The following NFATC2 variants were observed in gnomAD, a reference collection of about 807,000 sequenced individuals.
The protein encoded by NFATC2 is nuclear factor of activated T cells 2, also known as nuclear factor of activated T-cells, cytoplasmic 2.
A neutral mutation model predicts 87.3 loss-of-function variants in NFATC2; 22 were observed. That is an observed-to-expected ratio of 0.25 (90% CI 0.18 to 0.36). The LOEUF is 0.36. Ranked by LOEUF, NFATC2 falls within the 10% of genes least tolerant of loss-of-function variation. The pLI, the probability that NFATC2 is intolerant of heterozygous loss-of-function variation, is 1.00. For synonymous variants in NFATC2, 565 were observed against 542.2 expected (o/e 1.04, Z -0.58); for missense variants, 1,149 against 1,259.1 (o/e 0.91, Z 1.32).
chr20:51,447,537 A>T (rs574158711), intron 6 of NFATC2, among the ~76,000 whole-genome samples: 1 of 152,310 alleles, frequency 6.6e-6, no homozygotes, highest in South Asian at 2.1e-4. Context: ...AGGCGCAGCG[A>T]GTCGCTCAAA....
chr20:51,433,759 ATGTGTG>A (rs59775939), intron 8 of NFATC2, among the ~76,000 whole-genome samples: 20 of 146,068 alleles, frequency 1.4e-4, no homozygotes, highest in Middle Eastern at 3.5e-3. Flanking sequence ...TCATGCATGC[ATGTGTG>A]TGTGTGTGTG....
Position 51,441,286 on chromosome 20 carries a change from A to T in NFATC2, c.1850-5525T>A, listed in dbSNP as rs189589397. Among the ~76,000 whole-genome samples, 203 of 151,878 alleles carry T rather than the reference A, an allele frequency of 1.3e-3. 2 individuals are homozygous for T. The highest frequency in any genetic ancestry group is 4.8e-3 in the African/African-American group (197 of 41,398). On this transcript the variant is annotated intron_variant, in intron 6 of 10. Transcript: ENST00000371564. ...TGACAGAGCAAGACTTCATCTCAAA[A>T]ATAAAAAATAAATGCTGATGGAGTT...
At position 51,391,411 on chromosome 20, in the gene NFATC2, G is replaced by C. The variant is rs761563642; in HGVS notation, c.*85C>G. 1 of 1,577,160 alleles carries C rather than the reference G, an allele frequency of 6.3e-7. No homozygotes were observed. Among genetic ancestry groups the C allele is most frequent in the South Asian group, 1.1e-5 (1 of 90,676 alleles). On this transcript the variant is annotated 3_prime_UTR_variant, in exon 11 of 11. Coordinates refer to ENST00000371564, the MANE Select transcript of NFATC2 (RefSeq NM_012340.5). ...ATGGCTTCTTTTACGTCTGATTTCT[G>C]GCAGGAGGTCCTGAAAACTCCTTCC...
chr20:51,473,871 C>T (rs1245750964), intron 5 of NFATC2, 109 bp downstream of exon 5: 1 of 1,184,600 alleles, frequency 8.4e-7, no homozygotes, highest in Non-Finnish European at 1.2e-6. Flanking sequence ...GGGTCCCACA[C>T]ATTCCCGCAG....
intron 2 of NFATC2, among the ~76,000 whole-genome samples, chr20:51,521,511 G>A (rs942855086): frequency 1.3e-5 from 2 of 152,166 alleles, no homozygotes; most frequent in African/African-American, 4.8e-5. Context: ...AATAGAGATG[G>A]GGTTTCGCCA....
chr20:51,416,782 ACATT>A (rs1333645322), intron 9 of NFATC2, among the ~76,000 whole-genome samples: 2 of 152,210 alleles, frequency 1.3e-5, no homozygotes, highest in African/African-American at 4.8e-5. Context: ...GAGGTCACAG[ACATT>A]CAGTAACTCA....
At chr20:51,424,955 T>C (rs1981549621) in intron 9 of NFATC2, among the ~76,000 whole-genome samples, 2 of 151,892 alleles carry the variant, frequency 1.3e-5, no homozygotes, top group Admixed American at 6.6e-5. Flanking sequence ...AAATCTTCCA[T>C]ATGACAATGC....
intron 6 of NFATC2, 129 bp downstream of exon 6, chr20:51,454,419 A>G: frequency 4.5e-6 from 4 of 885,376 alleles, no homozygotes; most frequent in Non-Finnish European, 5.2e-6. Flanking sequence ...AGACACGCTG[A>G]GTAAAAAGAG....
In NFATC2 at chr20:51,444,449, G is replaced by A. The variant is rs533975241; in HGVS notation, c.1850-8688C>T. The stretch of plus-strand genomic sequence containing the variant: ...TTTGCAGGCAATTATTTAACCCTGT[G>A]ATGGAACAAAGCAGCCAGGAAGCAG... On this transcript the variant is annotated intron_variant, in intron 6 of 10. Coordinates refer to ENST00000371564, the MANE Select transcript of NFATC2 (RefSeq NM_012340.5). 5.9e-5 allele frequency among the ~76,000 whole-genome samples: 9 copies of A among 152,174 alleles called. No homozygotes were observed. In the East Asian group the frequency reaches 1.7e-3, roughly 29 times the overall value.
At chr20:51,503,609 C>A (rs2076126769) in intron 3 of NFATC2, among the ~76,000 whole-genome samples, 1 of 152,206 alleles carries the variant, frequency 6.6e-6, no homozygotes, top group African/African-American at 2.4e-5. Flanking sequence ...GGCCCAGCTG[C>A]CCTGGGTCAG....
chr20:51,473,694 C>T (rs1988446329), intron 5 of NFATC2, among the ~76,000 whole-genome samples: 1 of 152,250 alleles, frequency 6.6e-6, no homozygotes. Flanking sequence ...GATATTTACA[C>T]ATTTCAAGTC....
intron 3 of NFATC2, among the ~76,000 whole-genome samples, chr20:51,503,022 A>G (rs1304722366): frequency 6.6e-6 from 1 of 152,250 alleles, no homozygotes; most frequent in East Asian, 1.9e-4. Flanking sequence ...GCTGAGCAGT[A>G]TGCCAAATCC....
intron 9 of NFATC2, among the ~76,000 whole-genome samples, chr20:51,412,972 GC>G (rs1233135986): frequency 6.9e-5 from 1 of 14,410 alleles, no homozygotes; most frequent in African/African-American, 3.4e-4. Flanking sequence ...ACCGACCCCG[GC>G]CCCCCCATCC....
chr20:51,547,286 A>C (rs755182998), upstream of NFATC2, among the ~76,000 whole-genome samples: 1 of 152,068 alleles, frequency 6.6e-6, no homozygotes, highest in Non-Finnish European at 1.5e-5. Flanking sequence ...ATGTGGAAGG[A>C]TTCACAAGAC....
intron 3 of NFATC2, among the ~76,000 whole-genome samples, chr20:51,506,465 G>A (rs545650064): frequency 6.6e-6 from 1 of 152,238 alleles, no homozygotes; most frequent in South Asian, 2.1e-4. Context: ...AGAGCCCCGT[G>A]AGAAGCCATC....
At chr20:51,554,264 C>T (rs1249893365) in intron 1 of NFATC2, among the ~76,000 whole-genome samples, 1 of 152,206 alleles carries the variant, frequency 6.6e-6, no homozygotes, top group Non-Finnish European at 1.5e-5. Flanking sequence ...ATGTCTCCCC[C>T]AACTTCACAA....
At chr20:51,457,570 C>A (rs931137018) in intron 5 of NFATC2, among the ~76,000 whole-genome samples, 1 of 151,576 alleles carries the variant, frequency 6.6e-6, no homozygotes, top group Non-Finnish European at 1.5e-5. Context: ...TTTCCTACCT[C>A]CCTACCTGAA....
intron 3 of NFATC2, among the ~76,000 whole-genome samples, chr20:51,497,238 C>T (rs2146609056): frequency 6.6e-6 from 1 of 152,326 alleles, no homozygotes; most frequent in East Asian, 1.9e-4. Flanking sequence ...GTGTCTGCCT[C>T]ACGACTTCAA....
At chr20:51,555,815 A>G (rs1601020226) in intron 1 of NFATC2, among the ~76,000 whole-genome samples, 1 of 152,116 alleles carries the variant, frequency 6.6e-6, no homozygotes, top group Non-Finnish European at 1.5e-5. Flanking sequence ...GGGTCAACCA[A>G]AAAAAGATAT....
Sources: allele counts gnomAD v4.1 joint callset (sites outside exome capture counted in the v4.1 genomes callset), GRCh38; gene constraint gnomAD v4.1.1; transcripts MANE v1.5; gene names NCBI Gene and HGNC (gene_info 2026-07-23, HGNC 2026-07-21).